The following MEOX2 variants were observed in gnomAD, a reference collection of about 807,000 sequenced individuals.
MEOX2 encodes the protein mesenchyme homeobox 2.
MEOX2 carries 11 observed loss-of-function variants against 27.0 expected under a neutral mutation model. The ratio of observed to expected loss-of-function variants is 0.41; its 90% CI spans 0.26 to 0.68. MEOX2 has a LOEUF of 0.68. MEOX2 is among the 30% of genes least tolerant of loss of function. The probability of loss-of-function intolerance (pLI) is 0.33; values close to 1 mark genes in which losing one functional copy is unlikely to be tolerated. For missense variants in MEOX2, 436 were observed against 385.4 expected, an observed-to-expected ratio of 1.13 and a Z score of -1.10; for synonymous variants, 189 against 155.4, an observed-to-expected ratio of 1.22 and a Z score of -1.61.
chr7:15,615,828 TCA>T (rs1400291655), intron 2 of MEOX2, among the ~76,000 whole-genome samples: 1 of 152,042 alleles, frequency 6.6e-6, no homozygotes, highest in Non-Finnish European at 1.5e-5. Flanking sequence ...GCTGAAACAT[TCA>T]GTCTAAATAA....
At chr7:15,639,201 T>G (rs545716901) in intron 1 of MEOX2, among the ~76,000 whole-genome samples, 1 of 152,082 alleles carries the variant, frequency 6.6e-6, no homozygotes, top group East Asian at 1.9e-4. Context: ...CTCATAGGGG[T>G]TTTTATTTGT....
intron 2 of MEOX2, among the ~76,000 whole-genome samples, chr7:15,624,570 T>C (rs1781268898): frequency 6.6e-6 from 1 of 152,078 alleles, no homozygotes; most frequent in Non-Finnish European, 1.5e-5. Context: ...CTATCACCAT[T>C]GGAAGGATCC....
chr7:15,659,517 T>C (rs1341075903), intron 1 of MEOX2, among the ~76,000 whole-genome samples: 1 of 151,892 alleles, frequency 6.6e-6, no homozygotes, highest in Admixed American at 6.6e-5. Context: ...TCCCAGCACT[T>C]TGGGAGGCTG....
At position 15,630,487 on chromosome 7, in the gene MEOX2, C is replaced by G. The variant is rs74838203; in HGVS notation, c.518-3569G>C. On this transcript the variant is annotated intron_variant, in intron 1 of 2. Coordinates refer to ENST00000262041, the MANE Select transcript of MEOX2 (RefSeq NM_005924.5). ...AATATTTTTGGCTACTCTGGGTAAA[C>G]GTATTAGCTCGTTTAAATGAAGAAC... Among the ~76,000 whole-genome samples the G allele has an allele frequency of 4.8e-3, 735 of 152,072 alleles. 3 individuals are homozygous for G. Among genetic ancestry groups the G allele is most frequent in the African/African-American group, 0.017 (694 of 41,496 alleles).
intron 2 of MEOX2, among the ~76,000 whole-genome samples, chr7:15,621,202 A>G (rs964736506): frequency 9.9e-5 from 15 of 152,212 alleles, no homozygotes; most frequent in African/African-American, 3.6e-4. Context: ...TTATATGAGA[A>G]TATGTTGTAA....
intron 1 of MEOX2, chr7:15,680,363 G>A (rs1383518111): frequency 6.6e-6 from 1 of 151,948 alleles, no homozygotes; most frequent in African/African-American, 2.4e-5. Context: ...GGGAAGAACT[G>A]TTAGAGAAAT....
chr7:15,685,772 A>C, intron 1 of MEOX2, 114 bp downstream of exon 1: 1 of 1,407,346 alleles, frequency 7.1e-7, no homozygotes, highest in East Asian at 2.3e-5. Context: ...CACAGAGGGC[A>C]ACACATTCCC....
chr7:15,669,821 C>T (rs1009942631), intron 1 of MEOX2, among the ~76,000 whole-genome samples: 1 of 152,182 alleles, frequency 6.6e-6, no homozygotes, highest in South Asian at 2.1e-4. Context: ...ATTCAGACCA[C>T]GGATTTCTAA....
intron 1 of MEOX2, among the ~76,000 whole-genome samples, chr7:15,665,162 G>T (rs1383064143): frequency 3.3e-5 from 5 of 151,012 alleles, no homozygotes; most frequent in Admixed American, 3.3e-4. Flanking sequence ...ACACATTTTG[G>T]CAAACCAGAG....
At chr7:15,633,565 G>T (rs1781435960) in intron 1 of MEOX2, among the ~76,000 whole-genome samples, 1 of 151,782 alleles carries the variant, frequency 6.6e-6, no homozygotes, top group African/African-American at 2.4e-5. Context: ...AAAACCCTTG[G>T]ACATGCAACA....
At chr7:15,678,757 A>G (rs1782243591) in intron 1 of MEOX2, among the ~76,000 whole-genome samples, 1 of 152,220 alleles carries the variant, frequency 6.6e-6, no homozygotes, top group South Asian at 2.1e-4. Context: ...TATATTTTCA[A>G]AGAGTAAAAT....
At chr7:15,629,043 G>A (rs1314523704) in intron 1 of MEOX2, among the ~76,000 whole-genome samples, 1 of 151,970 alleles carries the variant, frequency 6.6e-6, no homozygotes, top group African/African-American at 2.4e-5. Flanking sequence ...AAGCAACTCT[G>A]GAAACTGACA....
chr7:15,615,882 C>T (rs1218926734), intron 2 of MEOX2, among the ~76,000 whole-genome samples: 10 of 151,864 alleles, frequency 6.6e-5, no homozygotes, highest in Non-Finnish European at 1.5e-4. Context: ...TAAAAATCCA[C>T]ATATATTTCT....
rs1352165066 is a variant in MEOX2, at chr7:15,678,370, A to G, written c.517+7516T>C. ...TTTAAATGTGAAAGTTATTTGCTAA[A>G]TTGCTGTTGTTCTACAAAACCAAGC... On this transcript the variant is annotated intron_variant, in intron 1 of 2. Coordinates refer to ENST00000262041, the MANE Select transcript of MEOX2 (RefSeq NM_005924.5). Among the ~76,000 whole-genome samples the G allele has an allele frequency of 2.6e-5, 4 of 151,862 alleles. No individual in the cohort carries two copies. In the East Asian group the frequency reaches 5.8e-4, roughly 22 times the overall value.
intron 2 of MEOX2, among the ~76,000 whole-genome samples, chr7:15,616,954 C>CATTA: frequency 6.6e-6 from 1 of 152,094 alleles, no homozygotes; most frequent in East Asian, 1.9e-4. Context: ...TCACATTACA[C>CATTA]CCTTTACCAT....
intron 1 of MEOX2, among the ~76,000 whole-genome samples, chr7:15,665,641 T>C (rs1781991150): frequency 6.6e-6 from 1 of 152,212 alleles, no homozygotes; most frequent in South Asian, 2.1e-4. Context: ...TACTGAGATC[T>C]CATCAATAAG....
rs1404868689 is a variant in MEOX2, at chr7:15,686,351, C to T, written c.52G>A (p.Gly18Ser). 1 of 1,596,412 alleles carries T rather than the reference C, an allele frequency of 6.3e-7. No homozygotes were observed. Among genetic ancestry groups the T allele is most frequent in the South Asian group, 1.1e-5 (1 of 88,402 alleles). ...GAGGATTGGGAGAACGGGTGCAAGC[C>T]TTGCGCCGTGGCGTGAGGGCTGCGC... is the stretch of plus-strand genomic sequence containing the variant. ...CLRSPHATAQ[G>S]LHPFSQSSLA... Residue 18 changes from glycine (G) to serine (S), a missense_variant, in exon 1 of 3, where the codon GGC becomes AGC. Transcript: ENST00000262041.
chr7:15,654,879 T>C (rs537746375), intron 1 of MEOX2, among the ~76,000 whole-genome samples: 46 of 151,868 alleles, frequency 3.0e-4, no homozygotes, highest in South Asian at 1.7e-3. Context: ...CTTTTGATAT[T>C]ACAATAATAC....
intron 1 of MEOX2, among the ~76,000 whole-genome samples, chr7:15,676,680 G>A (rs1386961746): frequency 1.3e-5 from 2 of 151,992 alleles, no homozygotes; most frequent in Non-Finnish European, 2.9e-5. Context: ...AGACCAGCCT[G>A]GCCAACATGG....
Sources: allele counts gnomAD v4.1 joint callset (sites outside exome capture counted in the v4.1 genomes callset), GRCh38; gene constraint gnomAD v4.1.1; transcripts MANE v1.5; gene names NCBI Gene and HGNC (gene_info 2026-07-23, HGNC 2026-07-21).